ACOXL: variants seen among roughly 807,000 people sequenced by gnomAD.
ACOXL encodes the protein acyl-CoA oxidase like.
ACOXL carries 70 observed loss-of-function variants against 71.9 expected under a neutral mutation model. The ratio of observed to expected loss-of-function variants is 0.97; its 90% CI spans 0.80 to 1.19. The LOEUF (loss-of-function observed/expected upper bound fraction) is 1.19, where lower values mean the gene tolerates loss of function less well. Ranked by LOEUF, ACOXL falls within the 50% of genes most tolerant of loss-of-function variation. The probability of loss-of-function intolerance (pLI) is 0.00; values close to 1 mark genes in which losing one functional copy is unlikely to be tolerated. For missense variants in ACOXL, 703 were observed against 736.3 expected (o/e 0.95, Z 0.52); for synonymous variants, 253 against 281.6 (o/e 0.90, Z 1.02).
At chr2:110,948,703 T>TAAAAAAAAAA (rs5833377) in intron 12 of ACOXL, among the ~76,000 whole-genome samples, 2 of 70,816 alleles carry the variant, frequency 2.8e-5, no homozygotes, top group African/African-American at 7.0e-5. Flanking sequence ...CCAGAAGAAC[T>TAAAAAAAAAA]AAAAAAAAAA....
chr2:110,844,995 C>T (rs924454476), intron 10 of ACOXL, among the ~76,000 whole-genome samples: 1 of 152,218 alleles, frequency 6.6e-6, no homozygotes, highest in Admixed American at 6.5e-5. Flanking sequence ...AAACTTCTAT[C>T]CTTTAGTCGA....
At chr2:110,912,715 C>T (rs1286922160) in intron 11 of ACOXL, among the ~76,000 whole-genome samples, 6 of 151,870 alleles carry the variant, frequency 4.0e-5, no homozygotes, top group African/African-American at 1.5e-4. Context: ...AGATAGAATA[C>T]CAAAAGCACA....
At chr2:111,098,801 A>G (rs1296419366) in intron 17 of ACOXL, 1 of 152,216 alleles carries the variant, frequency 6.6e-6, no homozygotes, top group Non-Finnish European at 1.5e-5. Context: ...GGGAGATAGC[A>G]ATCAGCCTAA....
chr2:110,737,085 T>C (rs1178427564), intron 1 of ACOXL, among the ~76,000 whole-genome samples: 1 of 152,246 alleles, frequency 6.6e-6, no homozygotes. Context: ...ATAAATAGGA[T>C]CTCACTGTGT....
In ACOXL at chr2:110,768,535, A is replaced by AGAGAGAGC. The variant is rs1362698009; in HGVS notation, c.75+74_75+75insAGAGCGAG. The AGAGAGAGC allele has an allele frequency of 6.6e-5, 93 of 1,406,916 alleles. No individual in the cohort carries two copies. The African/African-American group carries it at 1.4e-3, about 21-fold the overall frequency. The allele number at this position is 1,406,916 out of a possible 1,614,324, so 87.2% of individuals were successfully genotyped here. On this transcript the variant is annotated intron_variant, in intron 2 of 17. Transcript: ENST00000439055. ...GTGTGAGAGAGAGAGAGAGAGAGAG[A>AGAGAGAGC]GAGTTTTTTTCTCTCCAGCTTTTAT...
At chr2:110,889,194 T>G (rs1245954156) in intron 10 of ACOXL, among the ~76,000 whole-genome samples, 1 of 152,184 alleles carries the variant, frequency 6.6e-6, no homozygotes. Context: ...ACCACACGAG[T>G]GCACAAAGTG....
At chr2:110,803,779 G>T (rs1686283405) in intron 8 of ACOXL, among the ~76,000 whole-genome samples, 1 of 152,082 alleles carries the variant, frequency 6.6e-6, no homozygotes, top group Non-Finnish European at 1.5e-5. Context: ...TAATATAAGG[G>T]TATAGTATCC....
chr2:110,975,484 CT>C (rs2062404323), intron 12 of ACOXL, among the ~76,000 whole-genome samples: 1 of 151,862 alleles, frequency 6.6e-6, no homozygotes, highest in African/African-American at 2.4e-5. Context: ...CACTTCACCC[CT>C]AAGAGCTTCA....
chr2:110,911,377 G>C (rs956573220), intron 11 of ACOXL, among the ~76,000 whole-genome samples: 17 of 151,874 alleles, frequency 1.1e-4, no homozygotes, highest in African/African-American at 3.4e-4. Flanking sequence ...TATCCCATGT[G>C]GCCAGTATTA....
chr2:110,972,977 A>G (rs933937565), intron 12 of ACOXL, among the ~76,000 whole-genome samples: 1 of 152,268 alleles, frequency 6.6e-6, no homozygotes, highest in Non-Finnish European at 1.5e-5. Context: ...TGGTTTAGGC[A>G]CAGTGAGCCA....
At chr2:110,835,855 A>G (rs1690390484) in intron 9 of ACOXL, among the ~76,000 whole-genome samples, 1 of 152,050 alleles carries the variant, frequency 6.6e-6, no homozygotes, top group Non-Finnish European at 1.5e-5. Flanking sequence ...GATAATTTGC[A>G]TTTCTCACAA....
At chr2:110,769,156 A>G (rs1205106526) in intron 2 of ACOXL, among the ~76,000 whole-genome samples, 1 of 152,038 alleles carries the variant, frequency 6.6e-6, no homozygotes, top group Non-Finnish European at 1.5e-5. Flanking sequence ...TCCAAAGTTT[A>G]TGTCTTATTT....
At chr2:110,743,786 G>A (rs1389431638) in intron 1 of ACOXL, among the ~76,000 whole-genome samples, 7 of 152,248 alleles carry the variant, frequency 4.6e-5, no homozygotes, top group African/African-American at 1.7e-4. Flanking sequence ...GGTGCCTTCC[G>A]GAGCTGCCAC....
At chr2:110,893,778 T>A (rs1293120590) in intron 10 of ACOXL, among the ~76,000 whole-genome samples, 1 of 152,218 alleles carries the variant, frequency 6.6e-6, no homozygotes, top group Non-Finnish European at 1.5e-5. Context: ...TATCCCTTGA[T>A]TGTAGCATAT....
chr2:110,989,482 G>A (rs1366097681), intron 13 of ACOXL, among the ~76,000 whole-genome samples: 2 of 152,168 alleles, frequency 1.3e-5, no homozygotes, highest in African/African-American at 4.8e-5. Context: ...TGTAAGTTTT[G>A]TAATAAGTTT....
chr2:110,761,746 A>G (rs1219007633), intron 1 of ACOXL, among the ~76,000 whole-genome samples: 1 of 152,178 alleles, frequency 6.6e-6, no homozygotes, highest in African/African-American at 2.4e-5. Context: ...GGCCTGGCCA[A>G]ATCAGCTAAC....
chr2:111,098,017 T>G (rs2068904768), intron 17 of ACOXL, among the ~76,000 whole-genome samples: 1 of 152,344 alleles, frequency 6.6e-6, no homozygotes, highest in African/African-American at 2.4e-5. Context: ...ACCTGGTAGA[T>G]CCTAACCAAG....
chr2:111,095,656 G>T (rs1258489558), intron 17 of ACOXL, among the ~76,000 whole-genome samples: 1 of 152,150 alleles, frequency 6.6e-6, no homozygotes, highest in Non-Finnish European at 1.5e-5. Context: ...CTCCCAAAGT[G>T]CTGGGATTAC....
rs867359387 is a variant in ACOXL at position 110,967,316 on chromosome 2, C to A, written c.1060-19792C>A. ...GAGGGTGGAATCAGTGAATTTGAGGCCAGATCAACAGAATTTACCCAATCT... is the reference window on the plus strand; with the variant it reads ...GAGGGTGGAATCAGTGAATTTGAGGACAGATCAACAGAATTTACCCAATCT... On this transcript the variant is annotated intron_variant, in intron 12 of 17. Transcript: ENST00000439055. Among the ~76,000 whole-genome samples, 8 of 152,070 alleles carry A rather than the reference C, an allele frequency of 5.3e-5. No homozygotes were observed. The South Asian group carries it at 1.0e-3, about 20-fold the overall frequency.
Sources: allele counts gnomAD v4.1 joint callset (sites outside exome capture counted in the v4.1 genomes callset), GRCh38; gene constraint gnomAD v4.1.1; transcripts MANE v1.5; gene names NCBI Gene and HGNC (gene_info 2026-07-23, HGNC 2026-07-21).